C5: variants seen among roughly 807,000 people sequenced by gnomAD.
C5 encodes complement C5.
In C5, 140 loss-of-function variants were observed where a neutral mutation model predicts 218.8. The ratio of observed to expected loss-of-function variants is 0.64; its 90% CI spans 0.56 to 0.74. The LOEUF is 0.74. Among genes scored for constraint, C5 ranks in the 30% least tolerant of loss-of-function variants. C5 has a pLI of 0.00. For missense variants in C5, 1,700 were observed against 1,969.6 expected (o/e 0.86, Z 2.59); for synonymous variants, 614 against 682.3 (o/e 0.90, Z 1.56).
chr9:121,012,496 A>G (rs1261297110), intron 17 of C5, among the ~76,000 whole-genome samples: 1 of 152,214 alleles, frequency 6.6e-6, no homozygotes, highest in African/African-American at 2.4e-5. Flanking sequence ...CCTGGGCAAC[A>G]AAAACAAAAC....
intron 6 of C5, 57 bp from the exon 7 acceptor site, chr9:121,030,544 C>T: frequency 5.1e-6 from 5 of 976,298 alleles, no homozygotes; most frequent in South Asian, 1.5e-5. Flanking sequence ...GACTTTAAAG[C>T]CTAGCAAACA....
intron 38 of C5, among the ~76,000 whole-genome samples, chr9:120,958,359 C>A (rs2046801828): frequency 6.6e-6 from 1 of 152,144 alleles, no homozygotes; most frequent in East Asian, 1.9e-4. Context: ...CCAGCGAAGT[C>A]TTTTCTTGAA....
intron 20 of C5, 133 bp from the exon 21 acceptor site, chr9:120,997,907 A>G (rs1225906899): frequency 1.4e-6 from 1 of 698,836 alleles, no homozygotes; most frequent in African/African-American, 1.8e-5. Context: ...GATTCAAGCA[A>G]TTCTCCTGCC....
chr9:121,055,147 G>A (rs1366266172), upstream of C5, among the ~76,000 whole-genome samples: 1 of 151,968 alleles, frequency 6.6e-6, no homozygotes, highest in Non-Finnish European at 1.5e-5. Context: ...TCCATGTATC[G>A]ATTTATGTCT....
chr9:121,025,116 T>C (rs2047408369), intron 9 of C5, among the ~76,000 whole-genome samples: 2 of 152,314 alleles, frequency 1.3e-5, no homozygotes, highest in African/African-American at 4.8e-5. Context: ...TTGGTTTTGA[T>C]TTTCACCACG....
In C5 at chr9:121,027,187, C is replaced by T. The variant is rs1212615105; in HGVS notation, c.846G>A (p.Met282Ile). 2 of 1,595,194 alleles carry T rather than the reference C, an allele frequency of 1.3e-6. No individual in the cohort carries two copies. The highest frequency in any genetic ancestry group is 1.7e-6 in the Non-Finnish European group (2 of 1,165,442). ...REDLKDDQKE[M>I]MQTAMQNTML... ...TTGTGTTTTGCATTGCTGTTTGCAT[C>T]ATTTCTTTTTGATCATCTTTTAAGT... The change falls in exon 8 of 41, where the codon ATG (methionine) becomes ATA (isoleucine). Residue 282 changes from methionine (M) to isoleucine (I), a missense_variant. By Grantham distance (10) the Met-to-Ile change is conservative (BLOSUM62 1). Transcript: ENST00000223642.
At chr9:121,017,199 C>T (rs1223808331) in intron 14 of C5, among the ~76,000 whole-genome samples, 163 bp downstream of exon 14, 2 of 152,178 alleles carry the variant, frequency 1.3e-5, no homozygotes, top group Non-Finnish European at 2.9e-5. Flanking sequence ...GAGGATTGAC[C>T]TGTGCTTTGG....
At chr9:120,996,155 C>G (rs2047114853) in intron 22 of C5, 85 bp downstream of exon 22, 2 of 1,061,710 alleles carry the variant, frequency 1.9e-6, no homozygotes, top group East Asian at 4.7e-5. Context: ...AATTCACTTT[C>G]TGAAAAATAG....
intron 18 of C5, among the ~76,000 whole-genome samples, chr9:121,007,974 T>C (rs990609021): frequency 2.8e-4 from 43 of 152,360 alleles, no homozygotes; most frequent in African/African-American, 9.6e-4. Context: ...GCTCGAGGAC[T>C]CAGCCCATCA....
At chr9:121,071,764 A>G in the C5 span, among the ~76,000 whole-genome samples, 100 of 152,322 alleles carry the variant, frequency 6.6e-4, no homozygotes, top group African/African-American at 2.3e-3. Context: ...CTGTCTGACA[A>G]ACTAGTCTGT....
At chr9:121,007,041 C>T in intron 18 of C5, 64 bp from the exon 19 acceptor site, 1 of 1,235,488 alleles carries the variant, frequency 8.1e-7, no homozygotes, top group South Asian at 1.2e-5. Flanking sequence ...TTAACAGAGA[C>T]ATCCATTAAC....
chr9:121,049,272 C>G (rs2047653831), intron 1 of C5, among the ~76,000 whole-genome samples: 1 of 152,144 alleles, frequency 6.6e-6, no homozygotes, highest in Non-Finnish European at 1.5e-5. Flanking sequence ...AACCCAGGTC[C>G]TAGCCCTAGT....
At chr9:121,057,843 T>A in the C5 span, among the ~76,000 whole-genome samples, 1 of 152,194 alleles carries the variant, frequency 6.6e-6, no homozygotes, top group East Asian at 1.9e-4. Context: ...CTAAACAGTT[T>A]TGTCTCTTGT....
chr9:121,032,088 A>C, intron 6 of C5, 25 bp downstream of exon 6: 1 of 1,466,258 alleles, frequency 6.8e-7, no homozygotes, highest in South Asian at 1.1e-5. Flanking sequence ...AAAGCAAAGA[A>C]AAACTTTTAC....
At chr9:120,981,212 T>A (rs1362164746) in intron 27 of C5, among the ~76,000 whole-genome samples, 2 of 152,210 alleles carry the variant, frequency 1.3e-5, no homozygotes, top group Non-Finnish European at 2.9e-5. Context: ...TGGGAACTAG[T>A]CTTCATTGAT....
chr9:121,048,893 C>A (rs1411727163), intron 1 of C5, among the ~76,000 whole-genome samples: 1 of 152,136 alleles, frequency 6.6e-6, no homozygotes, highest in Non-Finnish European at 1.5e-5. Context: ...GAGAACCTTT[C>A]CTGGCCACAT....
intron 5 of C5, among the ~76,000 whole-genome samples, chr9:121,033,010 ATGGGTGTG>A (rs755793596): frequency 2.0e-3 from 72 of 35,134 alleles, no homozygotes; most frequent in Non-Finnish European, 5.1e-3. Context: ...CAAAAAAACT[ATGGGTGTG>A]TGTGTGTGTG....
chr9:121,067,385 A>C, the C5 span, among the ~76,000 whole-genome samples: 1 of 151,610 alleles, frequency 6.6e-6, no homozygotes, highest in African/African-American at 2.4e-5. Flanking sequence ...ACATGGTGAA[A>C]CCCTGTCTCT....
intron 20 of C5, chr9:120,999,805 G>A (rs959338076): frequency 1.7e-5 from 7 of 406,792 alleles, no homozygotes; most frequent in African/African-American, 6.4e-5. Flanking sequence ...TATCACAGAT[G>A]TACTTGTTTC....
Sources: gnomAD v4.1 joint callset for allele counts (sites outside exome capture counted in the v4.1 genomes callset) on GRCh38, gnomAD v4.1.1 for gene constraint, MANE v1.5 for transcripts, NCBI Gene and HGNC (gene_info 2026-07-23, HGNC 2026-07-21) for gene names.